SCUBE3: variants seen among roughly 807,000 people sequenced by gnomAD.
SCUBE3 encodes the protein signal peptide, CUB and EGF-like domain-containing protein 3.
In SCUBE3, 33 loss-of-function variants were observed where a neutral mutation model predicts 116.8. The ratio of observed to expected loss-of-function variants is 0.28; its 90% CI spans 0.21 to 0.38. The LOEUF is 0.38. Among genes scored for constraint, SCUBE3 ranks in the 10% least tolerant of loss-of-function variants. The probability of loss-of-function intolerance (pLI) is 1.00; values close to 1 mark genes in which losing one functional copy is unlikely to be tolerated. For missense variants in SCUBE3, 1,007 were observed against 1,324.8 expected (o/e 0.76, Z 3.72); for synonymous variants, 418 against 496.9 (o/e 0.84, Z 2.11).
intron 1 of SCUBE3, chr6:35,218,020 A>G: frequency 2.7e-6 from 1 of 376,086 alleles, no homozygotes; most frequent in Non-Finnish European, 3.7e-6. Flanking sequence ...GCAGGGTGGA[A>G]TAAGAGAAAG....
rs775009666 is a variant in SCUBE3 at position 35,235,672 on chromosome 6, C to T, written c.713-2230C>T. Among the ~76,000 whole-genome samples, 50 of 152,146 alleles carry T rather than the reference C, an allele frequency of 3.3e-4. No homozygotes were observed. The highest frequency in any genetic ancestry group is 6.3e-4 in the Non-Finnish European group (43 of 68,008). On this transcript the variant is annotated intron_variant, in intron 6 of 21. Coordinates refer to ENST00000274938, the MANE Select transcript of SCUBE3 (RefSeq NM_152753.4). The surrounding 1 kb of genome is among the most constrained non-coding windows in gnomAD (Gnocchi z 4.5). ...CATTGGGTGACAAGAAACCTGAGTCCCTAAGAGCTGGCCCGGGAGCTTTCA... is the reference window on the plus strand; with the variant it reads ...CATTGGGTGACAAGAAACCTGAGTCTCTAAGAGCTGGCCCGGGAGCTTTCA...
Position 35,240,314 on chromosome 6 carries a change from C to G in SCUBE3, c.953-60C>G. 9.6e-7 allele frequency: 1 copy of G among 1,042,314 alleles called. No homozygotes were observed. Among genetic ancestry groups the G allele is most frequent in the Non-Finnish European group, 1.4e-6 (1 of 708,390 alleles). 64.6% of individuals were successfully genotyped at this position (1,042,314 alleles called of 1,614,324 possible). On this transcript the variant is annotated intron_variant, in intron 8 of 21. Transcript: ENST00000274938. This position sits in a 1 kb window ranked among gnomAD's most constrained non-coding sequence, Gnocchi z 4.6. ...CAAGGCCCCTCACTTGGGTCCTTCA[C>G]CTGAGCAAGGGTCAAGTGCTCCAAG...
At position 35,233,862 on chromosome 6, in the gene SCUBE3, TC is replaced by T. The variant is rs1783650228; in HGVS notation, c.712+565del. ...TCTCTCCTCACTCTCCTCCTGCAAC[TC>T]CCCTTTCTACTCACCTCACCTTACC... On this transcript the variant is annotated intron_variant, in intron 6 of 21. Transcript: ENST00000274938. The surrounding 1 kb of genome is among the most constrained non-coding windows in gnomAD (Gnocchi z 5.7). Among the ~76,000 whole-genome samples the T allele has an allele frequency of 3.3e-5, 5 of 151,996 alleles. No homozygotes were observed. Among genetic ancestry groups the T allele is most frequent in the Admixed American group, 3.3e-4 (5 of 15,262 alleles).
Position 35,248,910 on chromosome 6 carries a change from C to A in SCUBE3, c.*205C>A, listed in dbSNP as rs2150319374. On this transcript the variant is annotated 3_prime_UTR_variant, in exon 22 of 22. Coordinates refer to ENST00000274938, the MANE Select transcript of SCUBE3 (RefSeq NM_152753.4). ...TCTCTGCCTGCCTCTCTACTGTTCC[C>A]CCTTTTCTAACACACTACCTAGAAA... 1 of 583,396 alleles carries A rather than the reference C, an allele frequency of 1.7e-6. No individual in the cohort carries two copies. The highest frequency in any genetic ancestry group is 2.9e-5 in the East Asian group (1 of 34,896). 36.1% of individuals were successfully genotyped at this position (583,396 alleles called of 1,614,324 possible). A position where few individuals can be genotyped will look rare whatever the true frequency, so the allele number is the denominator to read the frequency against.
rs1462699274 is a variant in SCUBE3 at position 35,228,192 on chromosome 6, C to T, written c.209-422C>T. On this transcript the variant is annotated intron_variant, in intron 2 of 21. Transcript: ENST00000274938. This position sits in a 1 kb window ranked among gnomAD's most constrained non-coding sequence, Gnocchi z 4.9. ...AGTGGACAGGGTACACTTGTTAATT[C>T]CTAGTTGCATTATAAATTGAAAAGT... 2.0e-5 allele frequency among the ~76,000 whole-genome samples: 3 copies of T among 152,156 alleles called. No individual in the cohort carries two copies. Among genetic ancestry groups the T allele is most frequent in the African/African-American group, 7.2e-5 (3 of 41,440 alleles).
Position 35,244,743 on chromosome 6 carries a change from T to C in SCUBE3, c.2333T>C (p.Phe778Ser), listed in dbSNP as rs768053149. The change falls in exon 18 of 22, where the codon TTC becomes TCC. Residue 778 changes from phenylalanine (F) to serine (S), a missense_variant. By Grantham distance (155) the Phe-to-Ser change is radical. Around this residue, in one of 5 missense-constraint regions of SCUBE3, gnomAD observed 544 missense variants for 638.9 expected, o/e 0.85. Transcript: ENST00000274938. The surrounding 1 kb of genome is among the most constrained non-coding windows in gnomAD (Gnocchi z 4.3). ...TATCAGCCCGACTTCCGTCAGAACT[T>C]CTGCAGCCGCTGTCCAGGAAACACA... ...GSYQPDFRQN[F>S]CSRCPGNTST... is the part of the protein sequence containing the mutation. 2 of 1,614,214 alleles carry C rather than the reference T, an allele frequency of 1.2e-6. No individual in the cohort carries two copies. The highest frequency in any genetic ancestry group is 2.2e-5 in the East Asian group (1 of 44,892).
rs1377294617 is a variant in SCUBE3, at chr6:35,252,642, A to G, written c.*3937A>G. ...AAAAGTGGGAGCGAACAACACAAGG[A>G]TATTTTTACATTTGACCCGTCTCAA... On this transcript the variant is annotated 3_prime_UTR_variant, in exon 22 of 22. Coordinates refer to ENST00000274938, the MANE Select transcript of SCUBE3 (RefSeq NM_152753.4). 1 of 152,194 alleles carries G rather than the reference A, an allele frequency of 6.6e-6. No individual in the cohort carries two copies. Among genetic ancestry groups the G allele is most frequent in the Non-Finnish European group, 1.5e-5 (1 of 68,044 alleles). 9.4% of individuals were successfully genotyped at this position (152,194 alleles called of 1,614,324 possible).
At chr6:35,242,480 T>C (rs1012574011) in intron 13 of SCUBE3, 142 bp from the exon 14 acceptor site, 2 of 912,382 alleles carry the variant, frequency 2.2e-6, no homozygotes, top group African/African-American at 3.3e-5. Context: ...CCCAGAATAT[T>C]CCCCTCCACC....
rs1415207950 is a variant in SCUBE3, at chr6:35,235,898, C to T, written c.713-2004C>T. ...GCGATAGGATTAGATGCCATCCCCT[C>T]CTTGGGGCTTCTTTCTTGGGTTCTT... On this transcript the variant is annotated intron_variant, in intron 6 of 21. Transcript: ENST00000274938. The surrounding 1 kb of genome is among the most constrained non-coding windows in gnomAD (Gnocchi z 4.5). Among the ~76,000 whole-genome samples, 2 of 152,016 alleles carry T rather than the reference C, an allele frequency of 1.3e-5. No individual in the cohort carries two copies. The highest frequency in any genetic ancestry group is 4.8e-5 in the African/African-American group (2 of 41,390).
chr6:35,214,596 G>A lies in SCUBE3; in HGVS notation c.85+93G>A. On this transcript the variant is annotated intron_variant, in intron 1 of 21. Transcript: ENST00000274938. The surrounding 1 kb of genome is among the most constrained non-coding windows in gnomAD (Gnocchi z 6.3). ...TCCCGAGGGGCAGGGCAGGTGCTGG[G>A]GAGCGTGCTGCTGTCAGAACCCGGC... 1.3e-6 allele frequency: 1 copy of A among 767,218 alleles called. No individual in the cohort carries two copies. The highest frequency in any genetic ancestry group is 3.3e-5 in the South Asian group (1 of 29,932). The allele number at this position is 767,218 out of a possible 1,614,324, so 47.5% of individuals were successfully genotyped here.
chr6:35,227,926 T>G (rs1418597046), intron 2 of SCUBE3, among the ~76,000 whole-genome samples: 2 of 152,264 alleles, frequency 1.3e-5, no homozygotes, highest in Non-Finnish European at 2.9e-5. Flanking sequence ...TGGGGACAGT[T>G]CACAGCCCAC....
Position 35,245,068 on chromosome 6 carries a change from G to A in SCUBE3, c.2402-160G>A, listed in dbSNP as rs115886204. On this transcript the variant is annotated intron_variant, in intron 18 of 21. Coordinates refer to ENST00000274938, the MANE Select transcript of SCUBE3 (RefSeq NM_152753.4). The surrounding 1 kb of genome is among the most constrained non-coding windows in gnomAD (Gnocchi z 4.2). ...AGAAGAGAAGGTACTAAAAGGGCAG[G>A]AAGGAAGATGGACTCAGAGCTTGGA... 2.0e-3 allele frequency among the ~76,000 whole-genome samples: 300 copies of A among 152,326 alleles called. No homozygotes were observed. The highest frequency in any genetic ancestry group is 6.9e-3 in the African/African-American group (285 of 41,576).
chr6:35,252,497 A>C lies in SCUBE3; in HGVS notation c.*3792A>C, dbSNP rs1295104599. 6.6e-6 allele frequency: 1 copy of C among 152,226 alleles called. No homozygotes were observed. The highest frequency in any genetic ancestry group is 1.5e-5 in the Non-Finnish European group (1 of 68,040). 9.4% of individuals were successfully genotyped at this position (152,226 alleles called of 1,614,324 possible). ...GTCAGAAAACGTTATAGAGCACTCG[A>C]ACTTTTGTATTTGCTGCTTAACCTC... is the stretch of plus-strand genomic sequence containing the variant. On this transcript the variant is annotated 3_prime_UTR_variant, in exon 22 of 22. Transcript: ENST00000274938.
chr6:35,221,721 C>T (rs1158863092), intron 1 of SCUBE3: 3 of 152,146 alleles, frequency 2.0e-5, no homozygotes, highest in African/African-American at 7.2e-5. Context: ...GCTTTAGGAG[C>T]CATGGCCTCA....
Position 35,250,226 on chromosome 6 carries a change from A to G in SCUBE3, c.*1521A>G, listed in dbSNP as rs1319459278. The G allele has an allele frequency of 6.6e-6, 1 of 152,278 alleles. No homozygotes were observed. The highest frequency in any genetic ancestry group is 1.5e-5 in the Non-Finnish European group (1 of 68,058). 9.4% of individuals were successfully genotyped at this position (152,278 alleles called of 1,614,324 possible). ...TTGCTAAACCAATCTTGCTATCCCT[A>G]TGCCTCTCCATGGAGTCAGTGTGGA... On this transcript the variant is annotated 3_prime_UTR_variant, in exon 22 of 22. Transcript: ENST00000274938.
chr6:35,223,508 G>A (rs930022248), intron 1 of SCUBE3: 1 of 152,166 alleles, frequency 6.6e-6, no homozygotes, highest in Non-Finnish European at 1.5e-5. Context: ...CATTACCTTG[G>A]GAAAGGAAGA....
chr6:35,243,243 G>T lies in SCUBE3; in HGVS notation c.1909+7G>T. 6.2e-7 allele frequency: 1 copy of T among 1,611,310 alleles called. No individual in the cohort carries two copies. Among genetic ancestry groups the T allele is most frequent in the Non-Finnish European group, 8.5e-7 (1 of 1,178,310 alleles). On this transcript the variant is annotated splice_region_variant and intron_variant, in intron 15 of 21. Coordinates refer to ENST00000274938, the MANE Select transcript of SCUBE3 (RefSeq NM_152753.4). This position sits in a 1 kb window ranked among gnomAD's most constrained non-coding sequence, Gnocchi z 6.6. ...CGTGCTGGGACCAAGTGTGGTAAGGGAGCTTACTGGGGAGCAGGGATGTAG... is the reference window on the plus strand; with the variant it reads ...CGTGCTGGGACCAAGTGTGGTAAGGTAGCTTACTGGGGAGCAGGGATGTAG...
In SCUBE3 at chr6:35,244,651, C is replaced by A; in HGVS notation, c.2241C>A (p.Val747=). 1 of 1,613,668 alleles carries A rather than the reference C, an allele frequency of 6.2e-7. No individual in the cohort carries two copies. Among genetic ancestry groups the A allele is most frequent in the South Asian group, 1.1e-5 (1 of 91,030 alleles). The change falls in exon 18 of 22, where the codon GTC becomes GTA. Residue 747 remains valine, a splice_region_variant and synonymous_variant. Transcript: ENST00000274938. The surrounding 1 kb of genome is among the most constrained non-coding windows in gnomAD (Gnocchi z 4.3). ...CCTGCCCTTCTCCCTTGCCTACAGT[C>A]CAGTGCTCCCCAGGGCACTACTACA... ...AISFQDCDTK[V]QCSPGHYYNT... is the part of the protein sequence containing the mutation.
chr6:35,243,544 G>T lies in SCUBE3; in HGVS notation c.1910-50G>T. ...GTGGGAAGGGGAGTCCCAGGCCTGGGTGGTGGGAAATGCGGGGGTGGGTGG... is the reference window on the plus strand; with the variant it reads ...GTGGGAAGGGGAGTCCCAGGCCTGGTTGGTGGGAAATGCGGGGGTGGGTGG... On this transcript the variant is annotated intron_variant, in intron 15 of 21. Transcript: ENST00000274938. The surrounding 1 kb of genome is among the most constrained non-coding windows in gnomAD (Gnocchi z 6.6). The T allele has an allele frequency of 1.3e-6, 2 of 1,503,750 alleles. No homozygotes were observed. Among genetic ancestry groups the T allele is most frequent in the African/African-American group, 1.4e-5 (1 of 72,650 alleles). The allele number at this position is 1,503,750 out of a possible 1,614,324, so 93.2% of individuals were successfully genotyped here. A position where few individuals can be genotyped will look rare whatever the true frequency, so the allele number is the denominator to read the frequency against.
Sources: gnomAD v4.1 joint callset for allele counts (sites outside exome capture counted in the v4.1 genomes callset) on GRCh38, gnomAD v4.1.1 for gene constraint, gnomAD v4.1.1 regional missense constraint, Gnocchi (gnomAD v3.1) non-coding constraint, MANE v1.5 for transcripts, NCBI Gene and HGNC (gene_info 2026-07-23, HGNC 2026-07-21) for gene names.